The following CATSPERT variants were observed in gnomAD, a reference collection of about 807,000 sequenced individuals.
The protein encoded by CATSPERT is catsper channel auxiliary subunit tau.
the CATSPERT span, among the ~76,000 whole-genome samples, chr2:201,564,297 G>C: frequency 5.3e-5 from 8 of 152,152 alleles, no homozygotes; most frequent in Non-Finnish European, 1.0e-4. Flanking sequence ...AGATACAAAT[G>C]TATACTTTCT....
the CATSPERT span, among the ~76,000 whole-genome samples, chr2:201,616,103 T>C: frequency 6.6e-6 from 1 of 152,166 alleles, no homozygotes; most frequent in Admixed American, 6.5e-5. Context: ...ACCAGACGGA[T>C]TCACAGCCAA....
chr2:201,506,400 G>GTATA, the CATSPERT span, among the ~76,000 whole-genome samples: 1 of 152,166 alleles, frequency 6.6e-6, no homozygotes, highest in Non-Finnish European at 1.5e-5. Flanking sequence ...ATTCTGTGTA[G>GTATA]TATAACCCAG....
At chr2:201,602,181 T>C in the CATSPERT span, among the ~76,000 whole-genome samples, 1 of 152,110 alleles carries the variant, frequency 6.6e-6, no homozygotes, top group Non-Finnish European at 1.5e-5. Context: ...ATATGCAATA[T>C]ATAGTTGAAA....
At chr2:201,598,346 C>T in the CATSPERT span, among the ~76,000 whole-genome samples, 1 of 152,286 alleles carries the variant, frequency 6.6e-6, no homozygotes, top group Admixed American at 6.5e-5. Flanking sequence ...CTCAAGCATT[C>T]CTCCTGCTTT....
At chr2:201,603,761 T>C in the CATSPERT span, among the ~76,000 whole-genome samples, 2 of 152,170 alleles carry the variant, frequency 1.3e-5, no homozygotes, top group Non-Finnish European at 2.9e-5. Flanking sequence ...TTTTTCTAAA[T>C]GTTAAAGAAA....
At chr2:201,560,522 G>A in the CATSPERT span, among the ~76,000 whole-genome samples, 48 of 151,524 alleles carry the variant, frequency 3.2e-4, no homozygotes, top group East Asian at 8.7e-3. Context: ...ACCAGGCCAC[G>A]CAGAAGAAAT....
the CATSPERT span, chr2:201,495,897 G>A: frequency 5.0e-6 from 8 of 1,584,324 alleles, no homozygotes; most frequent in Non-Finnish European, 6.9e-6. Flanking sequence ...GGACTCACCT[G>A]AAATTTTGGT....
the CATSPERT span, chr2:201,487,603 G>A: frequency 8.2e-5 from 132 of 1,606,664 alleles, no homozygotes; most frequent in Non-Finnish European, 1.0e-4. Context: ...ACAAATGAGC[G>A]AACATTTTTC....
the CATSPERT span, chr2:201,537,459 C>T: frequency 1.0e-5 from 16 of 1,590,642 alleles, no homozygotes; most frequent in African/African-American, 1.3e-5. Context: ...GTTTCAGCTT[C>T]CTCATTTACA....
the CATSPERT span, among the ~76,000 whole-genome samples, chr2:201,533,722 A>C: frequency 6.6e-6 from 1 of 152,154 alleles, no homozygotes; most frequent in Non-Finnish European, 1.5e-5. Context: ...GAACTTAGTT[A>C]ATCTCCAAAT....
At chr2:201,615,738 A>G in the CATSPERT span, among the ~76,000 whole-genome samples, 1 of 152,206 alleles carries the variant, frequency 6.6e-6, no homozygotes, top group Non-Finnish European at 1.5e-5. Context: ...GAGACACAAA[A>G]AAACCTTCAA....
chr2:201,565,740 T>A, the CATSPERT span: 1 of 1,570,968 alleles, frequency 6.4e-7, no homozygotes, highest in South Asian at 1.2e-5. Context: ...TTTCCCGGGG[T>A]TGTTGCTGAA....
chr2:201,568,008 C>G, the CATSPERT span, among the ~76,000 whole-genome samples: 61 of 152,242 alleles, frequency 4.0e-4, no homozygotes, highest in African/African-American at 1.4e-3. Context: ...AAAGGAGGAA[C>G]AGATTACCTC....
At chr2:201,600,137 G>T in the CATSPERT span, among the ~76,000 whole-genome samples, 1 of 152,064 alleles carries the variant, frequency 6.6e-6, no homozygotes, top group African/African-American at 2.4e-5. Flanking sequence ...ACATACACAC[G>T]TATGTTTATT....
chr2:201,525,518 A>C, the CATSPERT span, among the ~76,000 whole-genome samples: 2 of 152,176 alleles, frequency 1.3e-5, no homozygotes, highest in African/African-American at 4.8e-5. Flanking sequence ...GTCTTAAATT[A>C]ACAACCTAAT....
chr2:201,518,685 G>A, the CATSPERT span, among the ~76,000 whole-genome samples: 93,013 of 152,106 alleles, frequency 0.61, 30,564 homozygotes, highest in East Asian at 0.95. Flanking sequence ...GAACAGCTAA[G>A]GTATGGAGGC....
chr2:201,571,414 A>T, the CATSPERT span, among the ~76,000 whole-genome samples: 1 of 152,124 alleles, frequency 6.6e-6, no homozygotes, highest in Admixed American at 6.5e-5. Context: ...ATCTATTTTT[A>T]TTGTTGAAAT....
At chr2:201,553,545 T>A in the CATSPERT span, 7 of 152,182 alleles carry the variant, frequency 4.6e-5, no homozygotes, top group Non-Finnish European at 1.0e-4. Context: ...AGTTTTTAGG[T>A]AACCAAGTTA....
chr2:201,507,978 T>C, the CATSPERT span, among the ~76,000 whole-genome samples: 1 of 152,074 alleles, frequency 6.6e-6, no homozygotes. Flanking sequence ...TTCAGTCACC[T>C]CCCACCAAGC....
Sources: gnomAD v4.1 joint callset for allele counts (sites outside exome capture counted in the v4.1 genomes callset) on GRCh38, gnomAD v4.1.1 for gene constraint, MANE v1.5 for transcripts, NCBI Gene and HGNC (gene_info 2026-07-23, HGNC 2026-07-21) for gene names.